The following CRYZL1 variants were observed in gnomAD, a reference collection of about 807,000 sequenced individuals.
CRYZL1 encodes ferry endosomal RAB5 effector complex subunit 4.
Under a neutral mutation model 50.6 loss-of-function variants are expected in CRYZL1, and 34 were observed. The observed-to-expected ratio is 0.67, with a 90% CI of 0.51 to 0.89. The LOEUF (loss-of-function observed/expected upper bound fraction) is 0.89. Ranked by LOEUF, CRYZL1 falls within the 40% of genes least tolerant of loss-of-function variation. The pLI is 0.00. For synonymous variants in CRYZL1, 125 were observed against 134.3 expected (o/e 0.93, Z 0.48); for missense variants, 354 against 402.3 (o/e 0.88, Z 1.03).
chr21:33,593,199 T>G (rs1012482730), intron 11 of CRYZL1, among the ~76,000 whole-genome samples: 7 of 152,052 alleles, frequency 4.6e-5, no homozygotes, highest in African/African-American at 1.7e-4. Flanking sequence ...CTCCGCCTCC[T>G]GGGTTCATGC....
At chr21:33,639,825 ATTTT>A (rs35747923) in intron 1 of CRYZL1, 154 of 133,976 alleles carry the variant, frequency 1.1e-3, no homozygotes, top group South Asian at 1.8e-3. Flanking sequence ...ATAGATGTGT[ATTTT>A]TTTTTTTTTT....
At chr21:33,624,814 T>C (rs2087042350) in intron 2 of CRYZL1, 54 bp from the exon 3 acceptor site, 4 of 1,560,364 alleles carry the variant, frequency 2.6e-6, no homozygotes, top group Non-Finnish European at 2.6e-6. Flanking sequence ...CCTATGAGAA[T>C]ATGTCTTTAT....
At chr21:33,608,314 G>A (rs1330678375) in intron 6 of CRYZL1, among the ~76,000 whole-genome samples, 1 of 152,132 alleles carries the variant, frequency 6.6e-6, no homozygotes, top group Non-Finnish European at 1.5e-5. Context: ...AAGTAGCCAG[G>A]TGTGGCGGCT....
chr21:33,640,096 G>A, intron 1 of CRYZL1: 15 of 1,529,608 alleles, frequency 9.8e-6, no homozygotes, highest in Non-Finnish European at 1.1e-5. Flanking sequence ...AAAGTGCTGG[G>A]ATTACAGGCG....
rs755624122 is a variant in CRYZL1 at position 33,631,509 on chromosome 21, T to G, written c.43A>C (p.Ile15Leu). Residue 15 changes from isoleucine (I) to leucine (L), a missense_variant, in exon 2 of 13, where the codon ATA becomes CTA. Transcript: ENST00000381554. Reference sequence around the variant, plus strand: ...ACCTTTTCTTGAAATACAAATGTTATTTCTTCATCTGTGGAACTCTGTTGG... The same window carrying G: ...ACCTTTTCTTGAAATACAAATGTTAGTTCTTCATCTGTGGAACTCTGTTGG... ...YFQQSSTDEE[I>L]TFVFQEKEDL... 9 of 1,523,558 alleles carry G rather than the reference T, an allele frequency of 5.9e-6. No homozygotes were observed. Among genetic ancestry groups the G allele is most frequent in the Non-Finnish European group, 7.9e-6 (9 of 1,141,348 alleles). 94.4% of individuals were successfully genotyped at this position (1,523,558 alleles called of 1,614,324 possible).
chr21:33,601,998 C>CTT (rs796436323), intron 8 of CRYZL1, among the ~76,000 whole-genome samples: 8 of 132,916 alleles, frequency 6.0e-5, no homozygotes, highest in African/African-American at 1.4e-4. Context: ...TTTATAAATT[C>CTT]TTTTTTTTTT....
At chr21:33,613,803 T>C (rs1307177117) in intron 5 of CRYZL1, among the ~76,000 whole-genome samples, 197 bp from the exon 6 acceptor site, 3 of 152,210 alleles carry the variant, frequency 2.0e-5, no homozygotes, top group Non-Finnish European at 2.9e-5. Context: ...CTTTCCCCTC[T>C]GAGTGACAGT....
At chr21:33,609,159 A>T (rs1030558097) in intron 6 of CRYZL1, among the ~76,000 whole-genome samples, 1 of 151,548 alleles carries the variant, frequency 6.6e-6, no homozygotes, top group Non-Finnish European at 1.5e-5. Context: ...AGGTCCTTTG[A>T]CCCTTTTCTA....
chr21:33,632,919 G>A (rs1452079920), intron 1 of CRYZL1, among the ~76,000 whole-genome samples: 1 of 152,142 alleles, frequency 6.6e-6, no homozygotes, highest in African/African-American at 2.4e-5. Context: ...CTCCTAAGGA[G>A]ACCCAATATC....
chr21:33,611,863 T>G (rs765208463), intron 6 of CRYZL1, among the ~76,000 whole-genome samples: 2 of 152,222 alleles, frequency 1.3e-5, no homozygotes, highest in African/African-American at 2.4e-5. Flanking sequence ...ATTTTGTACA[T>G]TTTTGAACTG....
chr21:33,626,701 AAAAAAAAAAAG>A (rs2087068773), intron 2 of CRYZL1, among the ~76,000 whole-genome samples: 1 of 151,828 alleles, frequency 6.6e-6, no homozygotes, highest in African/African-American at 2.4e-5. Context: ...TGTCTCAAAA[AAAAAAAAAAAG>A]AAAAAGAAAA....
intron 4 of CRYZL1, among the ~76,000 whole-genome samples, chr21:33,618,025 C>G (rs979591777): frequency 1.5e-4 from 23 of 152,012 alleles, no homozygotes; most frequent in African/African-American, 5.6e-4. Flanking sequence ...CGCGGTGGCT[C>G]ACGCCTGTAA....
At chr21:33,635,707 C>T (rs1445477069) in intron 1 of CRYZL1, among the ~76,000 whole-genome samples, 1 of 500 alleles carries the variant, frequency 2.0e-3, no homozygotes, top group Non-Finnish European at 3.7e-3. Context: ...ATGTATAGGC[C>T]GGGCATGGTG....
At chr21:33,635,346 C>CTTT (rs11346670) in intron 1 of CRYZL1, among the ~76,000 whole-genome samples, 15 of 93,460 alleles carry the variant, frequency 1.6e-4, no homozygotes, top group East Asian at 6.1e-4. Context: ...AAGTATTAAA[C>CTTT]TTTTTTTTTT....
intron 8 of CRYZL1, among the ~76,000 whole-genome samples, chr21:33,601,518 A>C (rs923257949): frequency 2.0e-5 from 3 of 152,196 alleles, no homozygotes; most frequent in African/African-American, 2.4e-5. Context: ...ATCAAAGTTC[A>C]CCTAATTCAA....
In CRYZL1 at chr21:33,621,062, C is replaced by T. The variant is rs1300130155; in HGVS notation, c.217+934G>A. On this transcript the variant is annotated intron_variant, in intron 4 of 12. Transcript: ENST00000381554. ...CTGGGACTACAGGCGCCCGCCACCT[C>T]GCCCGGCTAATTTTTTGTATTTTTA... Among the ~76,000 whole-genome samples the T allele has an allele frequency of 2.0e-5, 3 of 148,392 alleles. No individual in the cohort carries two copies. The South Asian group carries it at 6.4e-4, about 32-fold the overall frequency.
At chr21:33,632,538 C>T (rs538453166) in intron 1 of CRYZL1, among the ~76,000 whole-genome samples, 1 of 151,852 alleles carries the variant, frequency 6.6e-6, no homozygotes, top group South Asian at 2.1e-4. Flanking sequence ...CCACCATGCC[C>T]GGCTAAATTT....
chr21:33,615,348 T>A (rs2086918082), intron 5 of CRYZL1, among the ~76,000 whole-genome samples: 1 of 151,882 alleles, frequency 6.6e-6, no homozygotes, highest in South Asian at 2.1e-4. Context: ...GAGTCGAGCT[T>A]TTGCAATGTT....
intron 1 of CRYZL1, among the ~76,000 whole-genome samples, chr21:33,635,914 G>A (rs1399633219): frequency 1.3e-5 from 2 of 152,106 alleles, no homozygotes; most frequent in Non-Finnish European, 2.9e-5. Context: ...CTGGGAGGCA[G>A]AGGTTGCAGT....
Sources: allele counts gnomAD v4.1 joint callset (sites outside exome capture counted in the v4.1 genomes callset), GRCh38; gene constraint gnomAD v4.1.1; transcripts MANE v1.5; gene names NCBI Gene and HGNC (gene_info 2026-07-23, HGNC 2026-07-21).